KCNK13: variants seen among roughly 807,000 people sequenced by gnomAD.
The protein encoded by KCNK13 is potassium two pore domain channel subfamily K member 13.
In KCNK13, 12 loss-of-function variants were observed where a neutral mutation model predicts 23.4. The ratio of observed to expected loss-of-function variants is 0.51; its 90% CI spans 0.33 to 0.83. The LOEUF is 0.83. KCNK13 is among the 40% of genes least tolerant of loss of function. KCNK13 has a pLI of 0.02. For synonymous variants in KCNK13, 231 were observed against 229.5 expected (o/e 1.01, Z -0.06); for missense variants, 463 against 556.3 (o/e 0.83, Z 1.69).
intron 1 of KCNK13, among the ~76,000 whole-genome samples, chr14:90,116,610 A>G (rs543475630): frequency 2.0e-5 from 3 of 152,278 alleles, no homozygotes; most frequent in African/African-American, 7.2e-5. Context: ...GACAAGCCCA[A>G]GTGGATTTAG....
intron 1 of KCNK13, among the ~76,000 whole-genome samples, chr14:90,143,175 CT>C (rs373598242): frequency 0.037 from 2,227 of 59,930 alleles, 66 homozygotes; most frequent in African/African-American, 0.1. Context: ...TTCTTTCTTT[CT>C]TTTCTTTTCT....
chr14:90,141,647 G>A (rs144473523), intron 1 of KCNK13, among the ~76,000 whole-genome samples: 25 of 151,758 alleles, frequency 1.6e-4, no homozygotes, highest in African/African-American at 5.3e-4. Flanking sequence ...TAGTAGAGAC[G>A]AGATTTCACC....
At chr14:90,105,864 A>G (rs76896672) in intron 1 of KCNK13, among the ~76,000 whole-genome samples, 1 of 152,352 alleles carries the variant, frequency 6.6e-6, no homozygotes, top group East Asian at 1.9e-4. Context: ...GTAAGACGGC[A>G]TGATGTTCCA....
chr14:90,075,289 T>C (rs1334121072), intron 1 of KCNK13, among the ~76,000 whole-genome samples: 3 of 152,218 alleles, frequency 2.0e-5, no homozygotes, highest in Admixed American at 1.3e-4. Flanking sequence ...CCTCGGTTTA[T>C]TGGTGATACA....
At chr14:90,148,916 A>G (rs1191968314) in intron 1 of KCNK13, among the ~76,000 whole-genome samples, 1 of 152,134 alleles carries the variant, frequency 6.6e-6, no homozygotes, top group Non-Finnish European at 1.5e-5. Context: ...TTACAAATAC[A>G]CTGTAAAAGT....
chr14:90,165,796 A>G (rs1890296072), intron 1 of KCNK13, among the ~76,000 whole-genome samples: 1 of 152,220 alleles, frequency 6.6e-6, no homozygotes, highest in South Asian at 2.1e-4. Flanking sequence ...TGCTTCTAGC[A>G]TTCATTCCAA....
intron 1 of KCNK13, among the ~76,000 whole-genome samples, chr14:90,141,788 G>GT (rs764122404): frequency 0.14 from 2,260 of 15,970 alleles, 74 homozygotes; most frequent in South Asian, 0.21. Context: ...GTTTTGTTTT[G>GT]TTTTTTGGGG....
intron 1 of KCNK13, among the ~76,000 whole-genome samples, chr14:90,066,155 T>C (rs1278954589): frequency 7.5e-6 from 1 of 132,658 alleles, no homozygotes; most frequent in Non-Finnish European, 1.6e-5. Context: ...TTTTTTTTTT[T>C]AGTGGAGATG....
intron 1 of KCNK13, among the ~76,000 whole-genome samples, chr14:90,174,081 C>T (rs1038656291): frequency 2.0e-5 from 3 of 151,856 alleles, no homozygotes; most frequent in East Asian, 1.9e-4. Context: ...CCGAGGCGGG[C>T]GGATCATGAG....
intron 1 of KCNK13, among the ~76,000 whole-genome samples, chr14:90,063,113 C>T (rs1449492699): frequency 1.3e-5 from 2 of 152,002 alleles, no homozygotes; most frequent in Admixed American, 6.6e-5. Flanking sequence ...GGGAAGTGAC[C>T]TTTGGGCTGA....
chr14:90,138,270 T>C (rs1801773713), intron 1 of KCNK13, among the ~76,000 whole-genome samples: 1 of 152,224 alleles, frequency 6.6e-6, no homozygotes, highest in South Asian at 2.1e-4. Context: ...ATTGCAAATT[T>C]TACTCCCCCA....
rs140202141 is a variant in KCNK13 at position 90,182,045 on chromosome 14, C to A, written c.335-2066C>A. On this transcript the variant is annotated intron_variant, in intron 1 of 1. Transcript: ENST00000282146. ...GATGATGGTCTGATTTTCTGTCTAG[C>A]ATGAAGGGCCCTAAGTAATTCTCAA... 9.8e-4 allele frequency among the ~76,000 whole-genome samples: 149 copies of A among 152,268 alleles called. No individual in the cohort carries two copies. In the East Asian group the frequency reaches 0.026, roughly 27 times the overall value.
In KCNK13 at chr14:90,066,886, A is replaced by G. The variant is rs185858146; in HGVS notation, c.334+4347A>G. On this transcript the variant is annotated intron_variant, in intron 1 of 1. Transcript: ENST00000282146. ...CAGTGTTCATAGCAGCATTATTCACAATATCCAAACAACCCAAGTGCCCAT... is the reference window on the plus strand; with the variant it reads ...CAGTGTTCATAGCAGCATTATTCACGATATCCAAACAACCCAAGTGCCCAT... Among the ~76,000 whole-genome samples, 572 of 152,334 alleles carry G rather than the reference A, an allele frequency of 3.8e-3. 6 individuals are homozygous for G. Among genetic ancestry groups the G allele is most frequent in the African/African-American group, 0.013 (553 of 41,576 alleles).
chr14:90,083,054 T>C (rs1186961804), intron 1 of KCNK13, among the ~76,000 whole-genome samples: 1 of 152,240 alleles, frequency 6.6e-6, no homozygotes, highest in Non-Finnish European at 1.5e-5. Context: ...GCCATTTGTA[T>C]ACTATCTTAA....
intron 1 of KCNK13, among the ~76,000 whole-genome samples, chr14:90,135,685 G>T (rs1415813530): frequency 1.3e-5 from 2 of 152,076 alleles, no homozygotes; most frequent in African/African-American, 4.8e-5. Context: ...GAGGTTGGAG[G>T]GTCTTCGGCT....
At chr14:90,087,689 C>T (rs1350516154) in intron 1 of KCNK13, among the ~76,000 whole-genome samples, 1 of 152,204 alleles carries the variant, frequency 6.6e-6, no homozygotes, top group Non-Finnish European at 1.5e-5. Context: ...TTGCCAGGTG[C>T]TGAGGGTCAT....
At chr14:90,180,317 A>G (rs1444629842) in intron 1 of KCNK13, among the ~76,000 whole-genome samples, 1 of 152,156 alleles carries the variant, frequency 6.6e-6, no homozygotes, top group Non-Finnish European at 1.5e-5. Flanking sequence ...CTCTACCAAA[A>G]AAGGACCCTG....
At chr14:90,180,544 A>G (rs1363297857) in intron 1 of KCNK13, among the ~76,000 whole-genome samples, 2 of 152,142 alleles carry the variant, frequency 1.3e-5, no homozygotes, top group Admixed American at 6.5e-5. Flanking sequence ...ATTTTCTGTT[A>G]TTTTTGCTGA....
At chr14:90,129,284 T>A (rs1453098047) in intron 1 of KCNK13, among the ~76,000 whole-genome samples, 1 of 152,104 alleles carries the variant, frequency 6.6e-6, no homozygotes, top group African/African-American at 2.4e-5. Context: ...TTTTTCCAGG[T>A]TTTTGCCATT....
Sources: allele counts gnomAD v4.1 joint callset (sites outside exome capture counted in the v4.1 genomes callset), GRCh38; gene constraint gnomAD v4.1.1; transcripts MANE v1.5; gene names NCBI Gene and HGNC (gene_info 2026-07-23, HGNC 2026-07-21).